MTCH2: variants seen among roughly 807,000 people sequenced by gnomAD.
MTCH2 encodes the protein mitochondrial carrier homolog 2.
In MTCH2, 25 loss-of-function variants were observed where a neutral mutation model predicts 50.6. The ratio of observed to expected loss-of-function variants is 0.49; its 90% CI spans 0.36 to 0.69. The LOEUF (loss-of-function observed/expected upper bound fraction) is 0.69, where lower values mean the gene tolerates loss of function less well. Among genes scored for constraint, MTCH2 ranks in the 30% least tolerant of loss-of-function variants. The pLI is 0.00. For synonymous variants in MTCH2, 106 were observed against 132.0 expected (o/e 0.80, Z 1.35); for missense variants, 273 against 384.4 (o/e 0.71, Z 2.42).
intron 5 of MTCH2, among the ~76,000 whole-genome samples, chr11:47,633,536 T>A (rs1177902501): frequency 5.6e-3 from 245 of 43,402 alleles, no homozygotes; most frequent in Middle Eastern, 0.026. Context: ...ATTTTTTTTT[T>A]TTTTTTTTTT....
chr11:47,640,155 C>G (rs1442964884), intron 1 of MTCH2, among the ~76,000 whole-genome samples: 2 of 151,932 alleles, frequency 1.3e-5, no homozygotes, highest in Non-Finnish European at 2.9e-5. Context: ...ATGGTGAAAC[C>G]CTGTCTCTAC....
At chr11:47,610,626 A>G in the MTCH2 span, among the ~76,000 whole-genome samples, 1 of 152,024 alleles carries the variant, frequency 6.6e-6, no homozygotes, top group African/African-American at 2.4e-5. Flanking sequence ...AATCACTTGA[A>G]CCCAGGAGGC....
intron 11 of MTCH2, 118 bp downstream of exon 11, chr11:47,625,556 A>G: frequency 1.1e-5 from 9 of 784,574 alleles, no homozygotes; most frequent in Non-Finnish European, 1.8e-5. Context: ...CCCTTTTTAA[A>G]AAAATACCAA....
downstream of MTCH2, among the ~76,000 whole-genome samples, chr11:47,612,984 G>A (rs1488881943): frequency 2.0e-5 from 3 of 152,082 alleles, no homozygotes; most frequent in African/African-American, 7.2e-5. Context: ...GCTCACCGCA[G>A]CCTCAAACTC....
At chr11:47,609,049 G>C in the MTCH2 span, among the ~76,000 whole-genome samples, 2 of 147,246 alleles carry the variant, frequency 1.4e-5, no homozygotes, top group Admixed American at 1.4e-4. Flanking sequence ...CCTTGAACTT[G>C]GGGGGCGGAA....
At chr11:47,629,808 G>A (rs1307056197) in intron 8 of MTCH2, among the ~76,000 whole-genome samples, 1 of 149,820 alleles carries the variant, frequency 6.7e-6, no homozygotes, top group Non-Finnish European at 1.5e-5. Flanking sequence ...TTTCCTCATA[G>A]AAGAATGAGG....
the MTCH2 span, among the ~76,000 whole-genome samples, chr11:47,605,418 C>T: frequency 6.6e-6 from 1 of 152,018 alleles, no homozygotes; most frequent in East Asian, 1.9e-4. Flanking sequence ...GCTTATGCAG[C>T]TGATTTTTTT....
intron 1 of MTCH2, among the ~76,000 whole-genome samples, chr11:47,640,252 C>T (rs2097312802): frequency 6.6e-6 from 1 of 151,982 alleles, no homozygotes; most frequent in African/African-American, 2.4e-5. Context: ...TCGCTTGAAC[C>T]TGGGAGGCGG....
chr11:47,622,761 G>T lies in MTCH2; in HGVS notation c.765C>A (p.Cys255Ter). Residue 255 changes from cysteine to a stop codon, truncating the protein, a stop_gained, in exon 12 of 13, where the codon TGC becomes TGA. Transcript: ENST00000302503. LOFTEE classifies it high-confidence loss of function. Reference protein sequence around the residue: ...AVNNCGLAGGCPPYSPIYTSW... With the variant: ...AVNNCGLAGG The stretch of plus-strand genomic sequence containing the variant: ...ACGTATATATTGGGGAGTAAGGAGG[G>T]CATCCACCAGCAAGACTAAAATAGA... The T allele has an allele frequency of 6.2e-7, 1 of 1,609,796 alleles. No homozygotes were observed. Among genetic ancestry groups the T allele is most frequent in the Non-Finnish European group, 8.5e-7 (1 of 1,176,634 alleles).
At chr11:47,619,572 G>A (rs1160048149) in intron 12 of MTCH2, among the ~76,000 whole-genome samples, 1 of 151,986 alleles carries the variant, frequency 6.6e-6, no homozygotes, top group Non-Finnish European at 1.5e-5. Flanking sequence ...TGTTTCTAAG[G>A]ACTACTTATA....
intron 1 of MTCH2, among the ~76,000 whole-genome samples, chr11:47,641,252 T>C (rs529072606): frequency 6.6e-6 from 1 of 152,330 alleles, no homozygotes; most frequent in South Asian, 2.1e-4. Context: ...GCCCCAAATG[T>C]GCCAATTCTG....
chr11:47,606,734 C>T, the MTCH2 span, among the ~76,000 whole-genome samples: 1 of 152,214 alleles, frequency 6.6e-6, no homozygotes, highest in Non-Finnish European at 1.5e-5. Flanking sequence ...CAACTTTCTC[C>T]TTTGGTTCCT....
chr11:47,606,760 C>T, the MTCH2 span, among the ~76,000 whole-genome samples: 1 of 152,228 alleles, frequency 6.6e-6, no homozygotes, highest in African/African-American at 2.4e-5. Flanking sequence ...ATCAACAGCA[C>T]CAGGGGAGTC....
intron 12 of MTCH2, among the ~76,000 whole-genome samples, chr11:47,621,688 G>A (rs1424486602): frequency 6.6e-6 from 1 of 152,038 alleles, no homozygotes; most frequent in African/African-American, 2.4e-5. Flanking sequence ...GCCCGCCTTG[G>A]CCTCCCAAAG....
intron 4 of MTCH2, among the ~76,000 whole-genome samples, chr11:47,635,118 C>T (rs981477713): frequency 6.6e-6 from 1 of 151,656 alleles, no homozygotes; most frequent in African/African-American, 2.4e-5. Context: ...CTCGCTCTGT[C>T]ACTCACGCGG....
chr11:47,631,591 T>C (rs1327101871), intron 6 of MTCH2, 63 bp downstream of exon 6: 8 of 1,539,310 alleles, frequency 5.2e-6, no homozygotes, highest in East Asian at 2.3e-5. Context: ...CACGTCAACC[T>C]ATCTAAGTGG....
At chr11:47,639,738 T>G (rs945084227) in intron 1 of MTCH2, among the ~76,000 whole-genome samples, 23 of 152,158 alleles carry the variant, frequency 1.5e-4, no homozygotes, top group African/African-American at 5.5e-4. Context: ...CTTGGGAGGC[T>G]GAGGCAGGAG....
intron 5 of MTCH2, among the ~76,000 whole-genome samples, chr11:47,633,746 A>G (rs1481460054): frequency 6.7e-6 from 1 of 149,922 alleles, no homozygotes; most frequent in African/African-American, 2.5e-5. Flanking sequence ...CATGTTGGTC[A>G]GGCTGGTCTC....
chr11:47,638,551 A>C, intron 3 of MTCH2, 148 bp downstream of exon 3: 1 of 614,318 alleles, frequency 1.6e-6, no homozygotes, highest in East Asian at 3.2e-5. Flanking sequence ...ATCTCAAAAA[A>C]AAAAAAAAAA....
Sources: allele counts gnomAD v4.1 joint callset (sites outside exome capture counted in the v4.1 genomes callset), GRCh38; gene constraint gnomAD v4.1.1; transcripts MANE v1.5; gene names NCBI Gene and HGNC (gene_info 2026-07-23, HGNC 2026-07-21).